The following CAMK2G variants were observed in gnomAD, a reference collection of about 807,000 sequenced individuals.
CAMK2G encodes calcium/calmodulin dependent protein kinase II gamma, also known as calcium/calmodulin-dependent protein kinase type II subunit gamma.
Under a neutral mutation model 88.7 loss-of-function variants are expected in CAMK2G, and 23 were observed. The observed-to-expected ratio is 0.26, with a 90% CI of 0.19 to 0.37. The LOEUF is 0.37. CAMK2G is among the 10% of genes least tolerant of loss of function. CAMK2G has a pLI of 1.00. For synonymous variants in CAMK2G, 263 were observed against 294.8 expected, an observed-to-expected ratio of 0.89 and a Z score of 1.11; for missense variants, 476 against 780.8, an observed-to-expected ratio of 0.61 and a Z score of 4.65.
rs2093866126 is a variant in CAMK2G at position 73,842,375 on chromosome 10, A to G, written c.903+83T>C. The G allele has an allele frequency of 4.1e-6, 5 of 1,221,656 alleles. No homozygotes were observed. Among genetic ancestry groups the G allele is most frequent in the Non-Finnish European group, 6.1e-6 (5 of 822,618 alleles). 75.7% of individuals were successfully genotyped at this position (1,221,656 alleles called of 1,614,324 possible). A position where few individuals can be genotyped will look rare whatever the true frequency, so the allele number is the denominator to read the frequency against. ...AGAGCCCAGCTCCAGCCAGGAGGGG[A>G]GCTTCCTTCTGAAATGGGGCAGGAG... On this transcript the variant is annotated intron_variant, in intron 11 of 22. Coordinates refer to ENST00000423381, the MANE Select transcript of CAMK2G (RefSeq NM_001367534.1). The surrounding 1 kb of genome is among the most constrained non-coding windows in gnomAD (Gnocchi z 4.6).
intron 2 of CAMK2G, among the ~76,000 whole-genome samples, chr10:73,864,806 C>A (rs1299264011): frequency 6.6e-6 from 1 of 152,124 alleles, no homozygotes; most frequent in Admixed American, 6.5e-5. Flanking sequence ...CCATGCCCGG[C>A]TAATTTTTTT....
intron 2 of CAMK2G, among the ~76,000 whole-genome samples, chr10:73,870,132 G>T (rs1591443240): frequency 6.6e-6 from 1 of 152,194 alleles, no homozygotes; most frequent in South Asian, 2.1e-4. Context: ...AAGGGCTCAG[G>T]CTCCTTGAGG....
At chr10:73,862,306 C>A (rs866986379) in intron 2 of CAMK2G, among the ~76,000 whole-genome samples, 11 of 146,886 alleles carry the variant, frequency 7.5e-5, no homozygotes, top group South Asian at 2.3e-4. Flanking sequence ...CACCCCCCCC[C>A]CCCCCGATTT....
intron 21 of CAMK2G, chr10:73,816,762 A>T (rs746835990): frequency 2.4e-5 from 35 of 1,447,636 alleles, no homozygotes; most frequent in Non-Finnish European, 3.2e-5. Flanking sequence ...CCCGGCAAGA[A>T]ATAAGTGAGC....
chr10:73,841,102 GCT>G (rs1415571278), intron 12 of CAMK2G, among the ~76,000 whole-genome samples: 2 of 152,238 alleles, frequency 1.3e-5, no homozygotes, highest in South Asian at 4.1e-4. Context: ...GAGCTCCATG[GCT>G]CTCAGGCTAC....
chr10:73,842,619 C>T lies in CAMK2G; in HGVS notation c.820-78G>A. 2 of 1,043,464 alleles carry T rather than the reference C, an allele frequency of 1.9e-6. No homozygotes were observed. Among genetic ancestry groups the T allele is most frequent in the Non-Finnish European group, 3.0e-6 (2 of 667,130 alleles). 64.6% of individuals were successfully genotyped at this position (1,043,464 alleles called of 1,614,324 possible). On this transcript the variant is annotated intron_variant, in intron 10 of 22. Coordinates refer to ENST00000423381, the MANE Select transcript of CAMK2G (RefSeq NM_001367534.1). The surrounding 1 kb of genome is among the most constrained non-coding windows in gnomAD (Gnocchi z 4.6). ...CCACAGTCCTGGCACCGATACCATGCCCAGGACAGGGTCATGCACTCAGCC... is the reference window on the plus strand; with the variant it reads ...CCACAGTCCTGGCACCGATACCATGTCCAGGACAGGGTCATGCACTCAGCC...
chr10:73,854,247 A>G (rs1220091084), intron 3 of CAMK2G, among the ~76,000 whole-genome samples: 2 of 152,144 alleles, frequency 1.3e-5, no homozygotes, highest in East Asian at 3.9e-4. Context: ...CTGGAAGAAG[A>G]CTCGGGCGAT....
At chr10:73,872,514 C>T (rs1393205092) in intron 2 of CAMK2G, among the ~76,000 whole-genome samples, 1 of 152,234 alleles carries the variant, frequency 6.6e-6, no homozygotes, top group Non-Finnish European at 1.5e-5. Context: ...GATTCCCTTC[C>T]CTTGGGAGTC....
chr10:73,823,301 C>G lies in CAMK2G; in HGVS notation c.1200+739G>C, dbSNP rs1233275771. Among the ~76,000 whole-genome samples, 4 of 152,134 alleles carry G rather than the reference C, an allele frequency of 2.6e-5. No homozygotes were observed. The East Asian group carries it at 7.7e-4, about 29-fold the overall frequency. ...CGTGATCTCAGCTCACTGCAACCTC[C>G]ACCTCCCAGGCTCAAGCAATTATCG... On this transcript the variant is annotated intron_variant, in intron 17 of 22. Transcript: ENST00000423381.
At chr10:73,819,347 C>T (rs554179652) in intron 19 of CAMK2G, among the ~76,000 whole-genome samples, 185 bp downstream of exon 19, 71 of 152,268 alleles carry the variant, frequency 4.7e-4, no homozygotes, top group African/African-American at 1.6e-3. Flanking sequence ...GGGCCCCAGA[C>T]TCAGGGGCCC....
Position 73,813,955 on chromosome 10 carries a change from G to T in CAMK2G, c.*563C>A, listed in dbSNP as rs748250811. On this transcript the variant is annotated 3_prime_UTR_variant, in exon 23 of 23. Coordinates refer to ENST00000423381, the MANE Select transcript of CAMK2G (RefSeq NM_001367534.1). ...GAGCTCTGCGTTCTCTCCCAAGTAGGTCTGATGGTCACGATGTTCTCATCA... is the reference window on the plus strand; with the variant it reads ...GAGCTCTGCGTTCTCTCCCAAGTAGTTCTGATGGTCACGATGTTCTCATCA... 6.6e-6 allele frequency: 1 copy of T among 152,640 alleles called. No homozygotes were observed. The highest frequency in any genetic ancestry group is 1.5e-5 in the Non-Finnish European group (1 of 68,074). 9.5% of individuals were successfully genotyped at this position (152,640 alleles called of 1,614,324 possible). A position where few individuals can be genotyped will look rare whatever the true frequency, so the allele number is the denominator to read the frequency against.
At chr10:73,829,689 A>G (rs546756095) in intron 14 of CAMK2G, among the ~76,000 whole-genome samples, 3 of 145,614 alleles carry the variant, frequency 2.1e-5, no homozygotes, top group Admixed American at 6.8e-5. Flanking sequence ...ATTCATATAT[A>G]TAAGTAGTGG....
chr10:73,857,962 T>C (rs2135404240), intron 3 of CAMK2G, among the ~76,000 whole-genome samples: 1 of 152,310 alleles, frequency 6.6e-6, no homozygotes, highest in South Asian at 2.1e-4. Flanking sequence ...CCCGAGAACA[T>C]TCCCAAATAC....
intron 3 of CAMK2G, among the ~76,000 whole-genome samples, chr10:73,857,821 C>G (rs576773607): frequency 1.3e-5 from 2 of 152,330 alleles, no homozygotes; most frequent in South Asian, 4.1e-4. Context: ...GTTTGGAGTT[C>G]GGCAGTGTGC....
At chr10:73,864,978 G>C (rs2095532873) in intron 2 of CAMK2G, among the ~76,000 whole-genome samples, 1 of 152,206 alleles carries the variant, frequency 6.6e-6, no homozygotes, top group African/African-American at 2.4e-5. Flanking sequence ...GAGACAGCAA[G>C]ATCTGAGGTT....
chr10:73,844,616 C>T (rs2094089782), intron 10 of CAMK2G, among the ~76,000 whole-genome samples: 1 of 152,036 alleles, frequency 6.6e-6, no homozygotes, highest in Non-Finnish European at 1.5e-5. Flanking sequence ...ACTATGTTGG[C>T]CAGGCTGGTC....
At chr10:73,858,733 A>G (rs1459775768) in intron 3 of CAMK2G, among the ~76,000 whole-genome samples, 1 of 152,232 alleles carries the variant, frequency 6.6e-6, no homozygotes, top group East Asian at 1.9e-4. Context: ...GGCAGATGGT[A>G]AAAGTAAAGG....
chr10:73,866,940 C>G (rs1425686637), intron 2 of CAMK2G, among the ~76,000 whole-genome samples: 1 of 152,212 alleles, frequency 6.6e-6, no homozygotes. Context: ...TGCCACATCC[C>G]TTCCTCTTTG....
At chr10:73,872,858 C>T (rs2095883075) in intron 2 of CAMK2G, 131 bp downstream of exon 2, 1 of 737,862 alleles carries the variant, frequency 1.4e-6, no homozygotes, top group Admixed American at 1.9e-5. Flanking sequence ...GACACAAAGT[C>T]CAACCAGTCT....
Sources: gnomAD v4.1 joint callset for allele counts (sites outside exome capture counted in the v4.1 genomes callset) on GRCh38, gnomAD v4.1.1 for gene constraint, Gnocchi (gnomAD v3.1) non-coding constraint, MANE v1.5 for transcripts, NCBI Gene and HGNC (gene_info 2026-07-23, HGNC 2026-07-21) for gene names.